The following DLEC1 variants were observed in gnomAD, a reference collection of about 807,000 sequenced individuals.
DLEC1 encodes deleted in lung and esophageal cancer protein 1.
Under a neutral mutation model 198.1 loss-of-function variants are expected in DLEC1, and 146 were observed. That is an observed-to-expected ratio of 0.74 (90% confidence interval 0.64 to 0.85). The LOEUF (loss-of-function observed/expected upper bound fraction) is 0.85. Among genes scored for constraint, DLEC1 ranks in the 40% least tolerant of loss-of-function variants. DLEC1 has a pLI of 0.00. For synonymous variants in DLEC1, 897 were observed against 866.8 expected (o/e 1.03, Z -0.61); for missense variants, 2,233 against 2,220.0 (o/e 1.01, Z -0.12).
chr3:38,070,023 A>C (rs1304830585), intron 6 of DLEC1, among the ~76,000 whole-genome samples: 1 of 152,198 alleles, frequency 6.6e-6, no homozygotes, highest in Non-Finnish European at 1.5e-5. Flanking sequence ...TCATGTTATA[A>C]TTTATACATT....
chr3:38,081,901 C>T (rs1308437977), intron 6 of DLEC1, among the ~76,000 whole-genome samples: 3 of 146,686 alleles, frequency 2.0e-5, no homozygotes, highest in Non-Finnish European at 3.0e-5. Context: ...GCTGACCCCC[C>T]CCCACCTCCC....
In DLEC1 at chr3:38,039,667, CGGT is replaced by C. The variant is rs781612992; in HGVS notation, c.411+33_411+35del. On this transcript the variant is annotated intron_variant, in intron 1 of 36. Transcript: ENST00000308059. Reference sequence around the variant, plus strand: ...GTGGCGGTGGCGTCGCGTCTGCGGACGGTGCCGGGGTCTCAGCGCTCGGCACGC... The same window carrying C: ...GTGGCGGTGGCGTCGCGTCTGCGGACGCCGGGGTCTCAGCGCTCGGCACGC... 1.1e-5 allele frequency: 18 copies of C among 1,574,090 alleles called. 1 individual carries two copies. In the South Asian group the frequency reaches 2.1e-4, roughly 18 times the overall value.
chr3:38,119,195 A>C (rs962089611), intron 33 of DLEC1, among the ~76,000 whole-genome samples: 1 of 152,168 alleles, frequency 6.6e-6, no homozygotes, highest in African/African-American at 2.4e-5. Context: ...CTCACCCTCC[A>C]TGCGCTAACA....
intron 25 of DLEC1, among the ~76,000 whole-genome samples, 178 bp from the exon 26 acceptor site, chr3:38,114,164 C>G (rs1386551109): frequency 6.6e-6 from 1 of 151,372 alleles, no homozygotes; most frequent in Non-Finnish European, 1.5e-5. Context: ...TGCAGGCTGC[C>G]TGGCTGGGAG....
chr3:38,096,755 C>T lies in DLEC1; in HGVS notation c.2340+18C>T, dbSNP rs766023132. 1.9e-6 allele frequency: 3 copies of T among 1,592,468 alleles called. No individual in the cohort carries two copies. Among genetic ancestry groups the T allele is most frequent in the South Asian group, 2.3e-5 (2 of 87,626 alleles). ...CTTTTAAGGTAGGTCATTGTCTCTCCCCTGCCTAGGCTGGCCGAGGCAGTG... is the reference window on the plus strand; with the variant it reads ...CTTTTAAGGTAGGTCATTGTCTCTCTCCTGCCTAGGCTGGCCGAGGCAGTG... On this transcript the variant is annotated intron_variant, in intron 15 of 36. Transcript: ENST00000308059.
In DLEC1 at chr3:38,097,892, G is replaced by T. The variant is rs775807262; in HGVS notation, c.2714G>T (p.Arg905Met). ...MKESPVSLQE[R>M]PEDVSPFDIE... ...GAGAGCCCAGTCTCCCTCCAGGAAA[G>T]GCCTGAGGATGTAAGTCAGGCACTG... The change falls in exon 18 of 37, where the codon AGG becomes ATG. Residue 905 changes from arginine to methionine, a missense_variant. Transcript: ENST00000308059. 2 of 1,614,210 alleles carry T rather than the reference G, an allele frequency of 1.2e-6. No individual in the cohort carries two copies. Among genetic ancestry groups the T allele is most frequent in the South Asian group, 2.2e-5 (2 of 91,082 alleles).
chr3:38,095,063 C>T lies in DLEC1; in HGVS notation c.2104C>T (p.Pro702Ser), dbSNP rs774823423. Reference protein sequence around the residue: ...TDHEFILSFSPHELRDFHSVL... With the variant: ...TDHEFILSFSSHELRDFHSVL... ...CCACGAGTTCATCCTGAGCTTTTCT[C>T]CTCATGAGGTTCAGATGGTGTCATC... Residue 702 changes from proline (P) to serine (S), a missense_variant, in exon 13 of 37, where the codon CCT becomes TCT. Pro to Ser is a moderately conservative substitution (Grantham distance 74). Coordinates refer to ENST00000308059, the MANE Select transcript of DLEC1 (RefSeq NM_007335.4). The T allele has an allele frequency of 1.2e-6, 2 of 1,614,194 alleles. No homozygotes were observed. Among genetic ancestry groups the T allele is most frequent in the Admixed American group, 1.7e-5 (1 of 60,030 alleles).
chr3:38,109,695 T>C, intron 22 of DLEC1, 133 bp downstream of exon 22: 11 of 1,440,594 alleles, frequency 7.6e-6, no homozygotes, highest in Non-Finnish European at 1.0e-5. Flanking sequence ...GCCACAGTGT[T>C]ATTGCGGCCA....
chr3:38,066,657 C>T (rs189903720), intron 6 of DLEC1, among the ~76,000 whole-genome samples: 32 of 152,336 alleles, frequency 2.1e-4, no homozygotes, highest in Admixed American at 1.4e-3. Context: ...CAACTCTGCT[C>T]ACCAGGTACA....
In DLEC1 at chr3:38,122,320, G is replaced by A; in HGVS notation, c.5176G>A (p.Val1726Met). ...SSELYESTMV[V>M]EGVLGEKSCT... is the part of the protein sequence containing the mutation. ...TGAGCTGTACGAGTCCACGATGGTG[G>A]TGGAAGGTGTGCTCGGTGAGAAGTC... Residue 1726 changes from valine to methionine, a missense_variant, in exon 37 of 37, where the codon GTG becomes ATG. Transcript: ENST00000308059. The A allele has an allele frequency of 1.2e-6, 2 of 1,614,016 alleles. No individual in the cohort carries two copies. Among genetic ancestry groups the A allele is most frequent in the Non-Finnish European group, 1.7e-6 (2 of 1,179,932 alleles).
At chr3:38,089,550 C>G (rs1382907163) in intron 10 of DLEC1, among the ~76,000 whole-genome samples, 3 of 152,138 alleles carry the variant, frequency 2.0e-5, no homozygotes, top group African/African-American at 7.2e-5. Context: ...TTTGTCAGGC[C>G]TCATCTACTG....
intron 2 of DLEC1, among the ~76,000 whole-genome samples, chr3:38,047,482 C>T (rs931369966): frequency 6.6e-6 from 1 of 152,130 alleles, no homozygotes; most frequent in Non-Finnish European, 1.5e-5. Flanking sequence ...ATTTGTATAT[C>T]AGAATGTTAA....
Position 38,086,337 on chromosome 3 carries a change from G to C in DLEC1, c.1532G>C (p.Cys511Ser). 1 of 1,612,330 alleles carries C rather than the reference G, an allele frequency of 6.2e-7. No individual in the cohort carries two copies. The highest frequency in any genetic ancestry group is 8.5e-7 in the Non-Finnish European group (1 of 1,179,112). The change falls in exon 9 of 37, where the codon TGC (cysteine) becomes TCC (serine). Residue 511 changes from cysteine to serine, a missense_variant. Transcript: ENST00000308059. ...GTGGGTTTCAGTGTTGGCAGGTTCT[G>C]CATTATGCCCAAAACAAGCTGGCCA... Reference protein sequence around the residue: ...KNVGFSVGRFCIMPKTSWPPL... With the variant: ...KNVGFSVGRFSIMPKTSWPPL...
chr3:38,071,635 C>T (rs773853456), intron 6 of DLEC1, among the ~76,000 whole-genome samples: 15 of 152,218 alleles, frequency 9.9e-5, no homozygotes, highest in Admixed American at 3.9e-4. Flanking sequence ...GCTTGTCTAG[C>T]CACCTTATCA....
chr3:38,112,401 A>T lies in DLEC1; in HGVS notation c.3666+40A>T. ...GAGGGCAGTGGCCTGGGGGGTGGAG[A>T]GTCTGCCCAGCCCTCGCCTTCAGCC... On this transcript the variant is annotated intron_variant, in intron 25 of 36. Coordinates refer to ENST00000308059, the MANE Select transcript of DLEC1 (RefSeq NM_007335.4). The surrounding 1 kb of genome is among the most constrained non-coding windows in gnomAD (Gnocchi z 4.8). 1 of 1,605,662 alleles carries T rather than the reference A, an allele frequency of 6.2e-7. No individual in the cohort carries two copies. Among genetic ancestry groups the T allele is most frequent in the Non-Finnish European group, 8.5e-7 (1 of 1,173,548 alleles).
chr3:38,106,399 C>A (rs2125714481), intron 19 of DLEC1, among the ~76,000 whole-genome samples: 1 of 152,210 alleles, frequency 6.6e-6, no homozygotes, highest in African/African-American at 2.4e-5. Context: ...TTTTTGGGGA[C>A]AAGATGAAGA....
intron 25 of DLEC1, among the ~76,000 whole-genome samples, chr3:38,113,154 T>C (rs1393397963): frequency 2.6e-5 from 4 of 152,106 alleles, no homozygotes; most frequent in Non-Finnish European, 5.9e-5. Flanking sequence ...AATAAACATA[T>C]TAAAATCTGT....
chr3:38,084,671 G>GT (rs1698344402), intron 7 of DLEC1, among the ~76,000 whole-genome samples: 1 of 151,690 alleles, frequency 6.6e-6, no homozygotes, highest in African/African-American at 2.4e-5. Flanking sequence ...CTTGCTGCCA[G>GT]TTGCTGACTC....
Position 38,093,659 on chromosome 3 carries a change from A to C in DLEC1, c.1811A>C (p.Gln604Pro). The C allele has an allele frequency of 1.2e-6, 2 of 1,614,236 alleles. No homozygotes were observed. The highest frequency in any genetic ancestry group is 1.7e-6 in the Non-Finnish European group (2 of 1,180,048). The part of the protein sequence containing the change: ...DLIYISGEKS[Q>P]PDPGELTDLT... ...ATCTATATTTCTGGTGAAAAAAGCC[A>C]GCCAGACCCTGGAGAGCTCACAGAC... The change falls in exon 12 of 37, where the codon CAG (glutamine) becomes CCG (proline). Residue 604 changes from glutamine (Q) to proline (P), a missense_variant. Transcript: ENST00000308059.
Sources: allele counts gnomAD v4.1 joint callset (sites outside exome capture counted in the v4.1 genomes callset), GRCh38; gene constraint gnomAD v4.1.1; non-coding constraint Gnocchi (gnomAD v3.1); transcripts MANE v1.5; gene names NCBI Gene and HGNC (gene_info 2026-07-23, HGNC 2026-07-21).